RFT1: variants seen among roughly 807,000 people sequenced by gnomAD.
RFT1 encodes RFT1 glycolipid translocator homolog.
In RFT1, 43 loss-of-function variants were observed where a neutral mutation model predicts 62.2. The observed-to-expected ratio is 0.69, with a 90% CI of 0.54 to 0.89. RFT1 has a LOEUF of 0.89. Among genes scored for constraint, RFT1 ranks in the 40% least tolerant of loss-of-function variants. The probability of loss-of-function intolerance (pLI) is 0.00; values close to 1 mark genes in which losing one functional copy is unlikely to be tolerated. For missense variants in RFT1, 605 were observed against 649.9 expected (o/e 0.93, Z 0.75); for synonymous variants, 262 against 264.6 (o/e 0.99, Z 0.10).
At chr3:53,074,138 C>T in the RFT1 span, among the ~76,000 whole-genome samples, 5 of 152,114 alleles carry the variant, frequency 3.3e-5, no homozygotes. Context: ...TCCCTACTGG[C>T]CCCTCTGGAA....
intron 10 of RFT1, among the ~76,000 whole-genome samples, chr3:53,100,749 T>C (rs565286346): frequency 5.0e-4 from 76 of 152,314 alleles, no homozygotes; most frequent in African/African-American, 1.7e-3. Context: ...TCAGATTTCT[T>C]CTGATTTCTC....
At chr3:53,070,153 T>G in the RFT1 span, among the ~76,000 whole-genome samples, 11 of 152,080 alleles carry the variant, frequency 7.2e-5, no homozygotes, top group South Asian at 2.1e-4. Flanking sequence ...TGATAGCTCA[T>G]GCCTGAAAAT....
At chr3:53,080,389 A>G in the RFT1 span, among the ~76,000 whole-genome samples, 6 of 152,226 alleles carry the variant, frequency 3.9e-5, no homozygotes, top group Non-Finnish European at 8.8e-5. Context: ...CCTGCCTGAC[A>G]CCCTTACCCG....
intron 4 of RFT1, 26 bp downstream of exon 4, chr3:53,122,348 C>T: frequency 2.5e-6 from 4 of 1,607,248 alleles, no homozygotes; most frequent in Non-Finnish European, 3.4e-6. Context: ...TTCCCATTTC[C>T]CATTCACAGC....
At chr3:53,116,077 T>C (rs1037441993) in intron 6 of RFT1, among the ~76,000 whole-genome samples, 1 of 152,218 alleles carries the variant, frequency 6.6e-6, no homozygotes, top group African/African-American at 2.4e-5. Context: ...TAATTTATTA[T>C]AAGGTTAAAT....
rs2107095473 is a variant in RFT1, at chr3:53,099,493, G to A, written c.1103-7C>T. 1 of 1,611,774 alleles carries A rather than the reference G, an allele frequency of 6.2e-7. No homozygotes were observed. Among genetic ancestry groups the A allele is most frequent in the East Asian group, 2.2e-5 (1 of 44,838 alleles). On this transcript the variant is annotated splice_polypyrimidine_tract_variant and splice_region_variant and intron_variant, in intron 10 of 12. Coordinates refer to ENST00000296292, the MANE Select transcript of RFT1 (RefSeq NM_052859.4). The stretch of plus-strand genomic sequence containing the variant: ...GAACGCAGCAAAACAGGACCTACAA[G>A]GAAACAACTCACTGAGACTCCAGAG...
intron 9 of RFT1, 39 bp from the exon 10 acceptor site, chr3:53,104,136 T>C (rs1455949334): frequency 8.1e-6 from 13 of 1,611,728 alleles, no homozygotes; most frequent in Non-Finnish European, 1.1e-5. Flanking sequence ...GGATGAATCA[T>C]GAGCTGAAGA....
intron 1 of RFT1, among the ~76,000 whole-genome samples, chr3:53,126,320 T>G (rs1424371674): frequency 6.6e-6 from 1 of 152,202 alleles, no homozygotes; most frequent in Non-Finnish European, 1.5e-5. Flanking sequence ...AGAAAGAGAA[T>G]TCTAGTTAGT....
downstream of RFT1, among the ~76,000 whole-genome samples, chr3:53,087,028 A>C (rs1055475049): frequency 1.3e-5 from 2 of 152,212 alleles, no homozygotes; most frequent in Admixed American, 1.3e-4. Flanking sequence ...ACTTGCGGTC[A>C]GGAGTTCCAG....
At chr3:53,085,505 A>C (rs1365891438), downstream of RFT1, among the ~76,000 whole-genome samples, 1 of 151,826 alleles carries the variant, frequency 6.6e-6, no homozygotes, top group African/African-American at 2.4e-5. Context: ...TTGCTTTTTC[A>C]ATGCTTTTTC....
intron 11 of RFT1, among the ~76,000 whole-genome samples, chr3:53,094,264 C>G (rs575423553): frequency 6.0e-4 from 92 of 152,100 alleles, no homozygotes; most frequent in African/African-American, 1.6e-3. Context: ...CCCAAATGCC[C>G]AGGTATAGGT....
rs117275189 is a variant in RFT1, at chr3:53,125,208, G to C, written c.149+701C>G. Among the ~76,000 whole-genome samples, 1,644 of 152,300 alleles carry C rather than the reference G, an allele frequency of 0.011. 68 individuals are homozygous for C. In the South Asian group the frequency reaches 0.11, roughly 10 times the overall value. ...TATATGTTTGGTAAGTATTAGACAT[G>C]AAATGCTGTCTGGAACATATTGTCT... On this transcript the variant is annotated intron_variant, in intron 2 of 12. Transcript: ENST00000296292.
At position 53,092,489 on chromosome 3, in the gene RFT1, G is replaced by A; in HGVS notation, c.1338C>T (p.Ser446=). The A allele has an allele frequency of 6.2e-7, 1 of 1,612,542 alleles. No homozygotes were observed. The highest frequency in any genetic ancestry group is 8.5e-7 in the Non-Finnish European group (1 of 1,179,650). The change falls in exon 12 of 13, where the codon AGC becomes AGT. Residue 446 remains serine, a synonymous_variant. Coordinates refer to ENST00000296292, the MANE Select transcript of RFT1 (RefSeq NM_052859.4). ...CFNMGIRITQ[S]LCFIHRYYRR... ...GGTAGTAGCGGTGGATGAAGCAAAG[G>A]CTCTGCGTGATCCGAATGCCCATGT...
At chr3:53,123,029 C>T (rs939974279) in intron 3 of RFT1, among the ~76,000 whole-genome samples, 1 of 152,252 alleles carries the variant, frequency 6.6e-6, no homozygotes, top group African/African-American at 2.4e-5. Flanking sequence ...GCATGTTTCA[C>T]ATGTGTACCA....
At chr3:53,074,697 A>T in the RFT1 span, among the ~76,000 whole-genome samples, 1 of 152,156 alleles carries the variant, frequency 6.6e-6, no homozygotes, top group Non-Finnish European at 1.5e-5. Context: ...GCGTATGAAT[A>T]GAAGTATCAG....
At chr3:53,077,272 T>G in the RFT1 span, among the ~76,000 whole-genome samples, 1 of 152,338 alleles carries the variant, frequency 6.6e-6, no homozygotes, top group South Asian at 2.1e-4. Context: ...GAACCTACAC[T>G]AGGGTCTGTC....
At chr3:53,124,381 C>T (rs556014060) in intron 2 of RFT1, among the ~76,000 whole-genome samples, 18 of 152,244 alleles carry the variant, frequency 1.2e-4, no homozygotes, top group African/African-American at 3.1e-4. Flanking sequence ...TGCATCTTAG[C>T]GAGGAGTAGC....
intron 6 of RFT1, among the ~76,000 whole-genome samples, chr3:53,117,980 C>T (rs1016079914): frequency 2.0e-5 from 3 of 152,186 alleles, no homozygotes; most frequent in African/African-American, 7.2e-5. Context: ...GCAGCCTTGA[C>T]CTGTGCTCAA....
chr3:53,126,834 T>C (rs1467939820), intron 1 of RFT1, among the ~76,000 whole-genome samples: 3 of 152,176 alleles, frequency 2.0e-5, no homozygotes, highest in Admixed American at 6.5e-5. Flanking sequence ...ACTGAATGAC[T>C]CCCTTCTGCA....
Sources: allele counts gnomAD v4.1 joint callset (sites outside exome capture counted in the v4.1 genomes callset), GRCh38; gene constraint gnomAD v4.1.1; transcripts MANE v1.5; gene names NCBI Gene and HGNC (gene_info 2026-07-23, HGNC 2026-07-21).